DMC1: variants seen among roughly 807,000 people sequenced by gnomAD.
DMC1 encodes the protein meiotic recombination protein DMC1 homolog.
Under a neutral mutation model 50.1 loss-of-function variants are expected in DMC1, and 27 were observed. The observed-to-expected ratio is 0.54, with a 90% CI of 0.40 to 0.74. The LOEUF is 0.74. Among genes scored for constraint, DMC1 ranks in the 30% least tolerant of loss-of-function variants. The pLI is 0.00. For synonymous variants in DMC1, 148 were observed against 136.1 expected, an observed-to-expected ratio of 1.09 and a Z score of -0.61; for missense variants, 295 against 420.2, an observed-to-expected ratio of 0.70 and a Z score of 2.60.
intron 4 of DMC1, 113 bp downstream of exon 4, chr22:38,566,477 C>T (rs939591485): frequency 1.7e-6 from 2 of 1,151,490 alleles, no homozygotes; most frequent in East Asian, 2.5e-5. Flanking sequence ...GTATAATATA[C>T]TGTGATCTAC....
At chr22:38,555,284 G>T in intron 6 of DMC1, 73 bp downstream of exon 6, 1 of 930,252 alleles carries the variant, frequency 1.1e-6, no homozygotes, top group South Asian at 1.4e-5. Context: ...AATTATATGT[G>T]TATGTATACA....
chr22:38,566,492 A>T, intron 4 of DMC1, 98 bp downstream of exon 4: 1 of 1,338,814 alleles, frequency 7.5e-7, no homozygotes, highest in Non-Finnish European at 1.1e-6. Flanking sequence ...ATCTACAGGA[A>T]CTCAGTTCCC....
intron 6 of DMC1, among the ~76,000 whole-genome samples, chr22:38,554,058 G>A (rs1486465774): frequency 2.6e-5 from 4 of 151,832 alleles, no homozygotes; most frequent in Non-Finnish European, 5.9e-5. Flanking sequence ...GAACCTAGGA[G>A]GCAGAGGTTG....
At chr22:38,550,948 AAGAAAG>A (rs1458549034) in intron 7 of DMC1, among the ~76,000 whole-genome samples, 2,332 of 131,806 alleles carry the variant, frequency 0.018, 117 homozygotes, top group African/African-American at 0.074. Flanking sequence ...AAAAAAAAAA[AAGAAAG>A]AAAGAAAGAA....
chr22:38,509,783 C>T, the DMC1 span, among the ~76,000 whole-genome samples: 1 of 152,028 alleles, frequency 6.6e-6, no homozygotes, highest in Non-Finnish European at 1.5e-5. Flanking sequence ...AATTCTCCTG[C>T]CTCAGCCTTC....
intron 8 of DMC1, among the ~76,000 whole-genome samples, chr22:38,547,931 G>T (rs1389210894): frequency 6.6e-6 from 1 of 152,020 alleles, no homozygotes; most frequent in South Asian, 2.1e-4. Context: ...GCAAATGTTC[G>T]CTTGAACTCC....
In DMC1 at chr22:38,539,369, C is replaced by A; in HGVS notation, c.538G>T (p.Asp180Tyr). Residue 180 changes from aspartate (D) to tyrosine (Y), a missense_variant, in exon 9 of 14, where the codon GAC becomes TAC. Physicochemically the swap from Asp to Tyr is radical, Grantham distance 160. Transcript: ENST00000216024. ...ACGTTGTCCAGTACTGCATCATGGT[C>A]TACATTAAAGCGATCAGCAATGTCC... ...LRDIADRFNV[D>Y]HDAVLDNVLY... 1.2e-6 allele frequency: 2 copies of A among 1,614,022 alleles called. No homozygotes were observed. Among genetic ancestry groups the A allele is most frequent in the South Asian group, 2.2e-5 (2 of 91,066 alleles).
chr22:38,511,431 T>C, the DMC1 span, among the ~76,000 whole-genome samples: 1 of 151,808 alleles, frequency 6.6e-6, no homozygotes, highest in Non-Finnish European at 1.5e-5. Flanking sequence ...ATAAAAAAAT[T>C]AGCTGGGTGT....
intron 12 of DMC1, among the ~76,000 whole-genome samples, chr22:38,528,307 G>C (rs1430788649): frequency 6.6e-6 from 1 of 150,754 alleles, no homozygotes; most frequent in African/African-American, 2.4e-5. Context: ...TAAATAATCT[G>C]CCCGCCTTGG....
intron 5 of DMC1, among the ~76,000 whole-genome samples, chr22:38,556,531 A>C (rs1015885154): frequency 6.6e-6 from 1 of 152,264 alleles, no homozygotes; most frequent in Admixed American, 6.5e-5. Flanking sequence ...AAGATGTTGT[A>C]GGTAATGCTA....
At chr22:38,537,527 A>T (rs1206643847) in intron 12 of DMC1, 65 bp downstream of exon 12, 1 of 1,469,914 alleles carries the variant, frequency 6.8e-7, no homozygotes, top group Non-Finnish European at 9.5e-7. Context: ...ATTATTTTCT[A>T]TTCTACGCTC....
At chr22:38,533,397 A>C (rs1366962475) in intron 12 of DMC1, among the ~76,000 whole-genome samples, 1 of 145,182 alleles carries the variant, frequency 6.9e-6, no homozygotes, top group African/African-American at 2.6e-5. Flanking sequence ...CTCCATCACA[A>C]AAAAAAAAAA....
intron 4 of DMC1, among the ~76,000 whole-genome samples, chr22:38,564,649 A>G (rs2090563357): frequency 6.6e-6 from 1 of 152,218 alleles, no homozygotes; most frequent in African/African-American, 2.4e-5. Context: ...AAAAAAGAAT[A>G]AACAGTTTAA....
At chr22:38,567,471 T>G (rs542808529) in intron 3 of DMC1, 112 bp downstream of exon 3, 17 of 893,182 alleles carry the variant, frequency 1.9e-5, no homozygotes, top group Admixed American at 5.3e-5. Flanking sequence ...CACCCTACAA[T>G]GCACAGGACG....
chr22:38,562,284 T>C lies in DMC1; in HGVS notation c.326+3A>G. The C allele has an allele frequency of 6.3e-7, 1 of 1,589,316 alleles. No individual in the cohort carries two copies. Among genetic ancestry groups the C allele is most frequent in the Non-Finnish European group, 8.6e-7 (1 of 1,157,816 alleles). On this transcript the variant is annotated splice_donor_region_variant and intron_variant, in intron 5 of 13. Transcript: ENST00000216024. ...AGTGATTATAAAAAAGTAAGATACA[T>C]ACTCAAATTCCTGGCTCCCGGTGGT... is the stretch of plus-strand genomic sequence containing the variant.
chr22:38,566,050 G>T (rs780296998), intron 4 of DMC1, among the ~76,000 whole-genome samples: 3 of 152,202 alleles, frequency 2.0e-5, no homozygotes, highest in Non-Finnish European at 4.4e-5. Flanking sequence ...GCCAGGGCAG[G>T]CAGATCACGA....
chr22:38,522,353 G>A (rs575850509), intron 12 of DMC1, among the ~76,000 whole-genome samples: 17 of 151,884 alleles, frequency 1.1e-4, no homozygotes, highest in Admixed American at 1.0e-3. Flanking sequence ...TCAGAAGTTC[G>A]AGACTAGCCT....
downstream of DMC1, among the ~76,000 whole-genome samples, chr22:38,515,424 C>T (rs1454176808): frequency 2.1e-5 from 3 of 144,062 alleles, no homozygotes; most frequent in African/African-American, 7.9e-5. Context: ...TTGCAATGAG[C>T]AGAGATTGCA....
At chr22:38,528,367 A>G (rs988711487) in intron 12 of DMC1, among the ~76,000 whole-genome samples, 2 of 151,894 alleles carry the variant, frequency 1.3e-5, no homozygotes, top group African/African-American at 2.4e-5. Context: ...CCTGGCCTGA[A>G]TCTTGAATAT....
Sources: gnomAD v4.1 joint callset for allele counts (sites outside exome capture counted in the v4.1 genomes callset) on GRCh38, gnomAD v4.1.1 for gene constraint, MANE v1.5 for transcripts, NCBI Gene and HGNC (gene_info 2026-07-23, HGNC 2026-07-21) for gene names.